The following EFCAB6 variants were observed in gnomAD, a reference collection of about 807,000 sequenced individuals.
EFCAB6 encodes EF-hand calcium binding domain 6.
Under a neutral mutation model 169.8 loss-of-function variants are expected in EFCAB6, and 156 were observed. That is an observed-to-expected ratio of 0.92 (90% CI 0.81 to 1.05). EFCAB6 has a LOEUF of 1.05. EFCAB6 is among the 50% of genes least tolerant of loss of function. The pLI is 0.00. For missense variants in EFCAB6, 1,800 were observed against 1,829.1 expected, an observed-to-expected ratio of 0.98 and a Z score of 0.29; for synonymous variants, 698 against 676.4, an observed-to-expected ratio of 1.03 and a Z score of -0.50.
intron 8 of EFCAB6, among the ~76,000 whole-genome samples, chr22:43,723,129 A>G (rs2059597893): frequency 6.6e-6 from 1 of 152,206 alleles, no homozygotes; most frequent in Admixed American, 6.5e-5. Context: ...TGAAGATGTG[A>G]CTATATTGCT....
intron 3 of EFCAB6, among the ~76,000 whole-genome samples, chr22:43,776,539 G>A (rs2061647433): frequency 6.6e-6 from 1 of 152,190 alleles, no homozygotes; most frequent in Non-Finnish European, 1.5e-5. Context: ...AAGGAAGTCT[G>A]CTCCAAAGTG....
intron 6 of EFCAB6, among the ~76,000 whole-genome samples, chr22:43,749,138 A>G (rs773259983): frequency 3.3e-5 from 5 of 152,180 alleles, no homozygotes; most frequent in African/African-American, 4.8e-5. Flanking sequence ...GACGGCCTGC[A>G]TATGGGAGGG....
intron 2 of EFCAB6, among the ~76,000 whole-genome samples, chr22:43,791,656 G>A (rs190463107): frequency 6.6e-6 from 1 of 152,080 alleles, no homozygotes; most frequent in African/African-American, 2.4e-5. Context: ...GTTTGAGTGA[G>A]CCCTAAGGCA....
intron 23 of EFCAB6, among the ~76,000 whole-genome samples, chr22:43,594,511 T>C (rs774385631): frequency 8.5e-5 from 13 of 152,244 alleles, no homozygotes; most frequent in Admixed American, 2.6e-4. Context: ...TCAGATAAAA[T>C]AGACTTTAAG....
chr22:43,716,971 C>T lies in EFCAB6; in HGVS notation c.759G>A (p.Glu253=), dbSNP rs1381503292. 6.6e-7 allele frequency: 1 copy of T among 1,523,666 alleles called. No individual in the cohort carries two copies. The highest frequency in any genetic ancestry group is 8.8e-7 in the Non-Finnish European group (1 of 1,137,618). The allele number at this position is 1,523,666 out of a possible 1,614,324, so 94.4% of individuals were successfully genotyped here. Residue 253 remains glutamate, a splice_region_variant and synonymous_variant, in exon 9 of 32, where the codon GAG becomes GAA. Transcript: ENST00000262726. ...LNLRYCMGNQ[E]VSLENQQAKN... is the part of the protein sequence containing the mutation. Reference sequence around the variant, plus strand: ...TGGCTTGTTGATTCTCCAACGAGACCTCTGTTGAAACAAAATAGCTTCGGC... The same window carrying T: ...TGGCTTGTTGATTCTCCAACGAGACTTCTGTTGAAACAAAATAGCTTCGGC...
rs778479014 is a variant in EFCAB6 at position 43,634,097 on chromosome 22, C to T, written c.2098+1005G>A. Among the ~76,000 whole-genome samples, 33 of 152,246 alleles carry T rather than the reference C, an allele frequency of 2.2e-4. No individual in the cohort carries two copies. In the Middle Eastern group the frequency reaches 0.01, roughly 47 times the overall value. On this transcript the variant is annotated intron_variant, in intron 18 of 31. Transcript: ENST00000262726. ...AGACGGAGTCCAGTTCCAGCTGTGA[C>T]GGCCTCGCCAGCACTGGGACGTGGG...
intron 7 of EFCAB6, among the ~76,000 whole-genome samples, chr22:43,735,137 G>A (rs1223342970): frequency 6.6e-6 from 1 of 152,150 alleles, no homozygotes; most frequent in African/African-American, 2.4e-5. Context: ...CAAAACTCAT[G>A]TAGTCACAGA....
intron 3 of EFCAB6, among the ~76,000 whole-genome samples, chr22:43,773,820 C>T (rs9614181): frequency 1.1e-4 from 17 of 152,200 alleles, no homozygotes; most frequent in African/African-American, 3.9e-4. Flanking sequence ...GCACTCCAGC[C>T]TGGGCAACAA....
intron 2 of EFCAB6, among the ~76,000 whole-genome samples, chr22:43,797,515 T>G (rs997550862): frequency 2.6e-4 from 40 of 151,988 alleles, no homozygotes; most frequent in African/African-American, 9.7e-4. Context: ...TCACGTGAAT[T>G]TCACACTAAA....
At chr22:43,685,116 A>C (rs1246464430) in intron 11 of EFCAB6, among the ~76,000 whole-genome samples, 1 of 152,228 alleles carries the variant, frequency 6.6e-6, no homozygotes, top group Non-Finnish European at 1.5e-5. Flanking sequence ...TAGTTGCATC[A>C]TGTTAGGTGG....
chr22:43,697,016 T>A (rs945257516), intron 10 of EFCAB6, among the ~76,000 whole-genome samples: 4 of 152,146 alleles, frequency 2.6e-5, no homozygotes, highest in African/African-American at 9.7e-5. Flanking sequence ...ACAGAGGAAG[T>A]ACAGGAAACT....
chr22:43,752,393 C>T (rs540663752), intron 6 of EFCAB6, among the ~76,000 whole-genome samples: 106 of 152,310 alleles, frequency 7.0e-4, no homozygotes, highest in Non-Finnish European at 1.3e-3. Flanking sequence ...GCTGGGATTA[C>T]AGGCGTGAGC....
At chr22:43,782,755 TC>T (rs1220051105) in intron 2 of EFCAB6, among the ~76,000 whole-genome samples, 2 of 152,218 alleles carry the variant, frequency 1.3e-5, no homozygotes, top group Non-Finnish European at 2.9e-5. Context: ...ATCCTCTCCT[TC>T]ATTAAATCAA....
At chr22:43,674,401 T>TCAGGCCTCCCA (rs1401778606) in intron 13 of EFCAB6, among the ~76,000 whole-genome samples, 84 of 152,198 alleles carry the variant, frequency 5.5e-4, no homozygotes, top group Admixed American at 6.5e-4. Flanking sequence ...GCCACAAATG[T>TCAGGCCTCCCA]GACTCTGAGA....
At chr22:43,721,285 T>C (rs1253283807) in intron 8 of EFCAB6, among the ~76,000 whole-genome samples, 1 of 152,154 alleles carries the variant, frequency 6.6e-6, no homozygotes, top group African/African-American at 2.4e-5. Context: ...TCAGTATCAT[T>C]AAAATGGCCA....
chr22:43,774,073 G>A (rs1340541467), intron 3 of EFCAB6, among the ~76,000 whole-genome samples: 1 of 151,962 alleles, frequency 6.6e-6, no homozygotes, highest in African/African-American at 2.4e-5. Context: ...TATGTTAAAG[G>A]GCTTTAACAT....
chr22:43,799,760 C>T (rs945337516), intron 2 of EFCAB6, among the ~76,000 whole-genome samples: 4 of 152,170 alleles, frequency 2.6e-5, no homozygotes, highest in Non-Finnish European at 4.4e-5. Context: ...TATCCCAGAA[C>T]TCTCATATGA....
chr22:43,767,112 CA>C (rs1208196966), intron 4 of EFCAB6, among the ~76,000 whole-genome samples: 1 of 152,152 alleles, frequency 6.6e-6, no homozygotes, highest in Non-Finnish European at 1.5e-5. Context: ...CACAAATACA[CA>C]AAGTACAATT....
intron 7 of EFCAB6, among the ~76,000 whole-genome samples, chr22:43,733,630 A>G (rs1299734424): frequency 6.6e-6 from 1 of 152,160 alleles, no homozygotes; most frequent in East Asian, 1.9e-4. Flanking sequence ...AATCAGCCCT[A>G]CTATGTGCAA....
Sources: gnomAD v4.1 joint callset for allele counts (sites outside exome capture counted in the v4.1 genomes callset) on GRCh38, gnomAD v4.1.1 for gene constraint, MANE v1.5 for transcripts, NCBI Gene and HGNC (gene_info 2026-07-23, HGNC 2026-07-21) for gene names.